The following SHISA9 variants were observed in gnomAD, a reference collection of about 807,000 sequenced individuals.
The protein encoded by SHISA9 is shisa family member 9, also known as protein shisa-9.
SHISA9 carries 13 observed loss-of-function variants against 38.0 expected under a neutral mutation model. The observed-to-expected ratio is 0.34, with a 90% CI of 0.22 to 0.54. SHISA9 has a LOEUF of 0.54. Among genes scored for constraint, SHISA9 ranks in the 20% least tolerant of loss-of-function variants. The pLI is 0.91. For synonymous variants in SHISA9, 275 were observed against 242.0 expected (o/e 1.14, Z -1.27); for missense variants, 538 against 575.8 (o/e 0.93, Z 0.67).
At chr16:13,167,811 C>A (rs1350976387) in intron 2 of SHISA9, among the ~76,000 whole-genome samples, 1 of 152,186 alleles carries the variant, frequency 6.6e-6, no homozygotes, top group African/African-American at 2.4e-5. Flanking sequence ...ACCAATAAAA[C>A]CTCTTTTCTT....
chr16:13,071,587 T>TCCTTCCTTCCTCCCTTCCTC (rs2073516427), intron 2 of SHISA9, among the ~76,000 whole-genome samples: 1 of 142,678 alleles, frequency 7.0e-6, no homozygotes, highest in African/African-American at 2.8e-5. Context: ...CTCCCTTCCT[T>TCCTTCCTTCCTCCCTTCCTC]CCTTCCTTCC....
chr16:13,155,533 G>C (rs1480724110), intron 2 of SHISA9, among the ~76,000 whole-genome samples: 1 of 152,154 alleles, frequency 6.6e-6, no homozygotes, highest in East Asian at 1.9e-4. Flanking sequence ...AGCTCTACCA[G>C]ACTGCTCTGC....
At chr16:13,135,174 A>G (rs12926174) in intron 2 of SHISA9, among the ~76,000 whole-genome samples, 18 of 151,994 alleles carry the variant, frequency 1.2e-4, no homozygotes, top group African/African-American at 4.3e-4. Context: ...GAACAACAAC[A>G]GAATCTACTA....
chr16:13,076,506 A>G lies in SHISA9; in HGVS notation c.692-126888A>G, dbSNP rs999116054. Among the ~76,000 whole-genome samples the G allele has an allele frequency of 6.6e-5, 10 of 151,676 alleles. No individual in the cohort carries two copies. In the East Asian group the frequency reaches 1.9e-3, roughly 30 times the overall value. On this transcript the variant is annotated intron_variant, in intron 2 of 4. Transcript: ENST00000558583. Reference sequence around the variant, plus strand: ...TCCTTTCCCCCACCCTCTGTCTTGCACACACCCAACCTTCTGCCATTTTAG... The same window carrying G: ...TCCTTTCCCCCACCCTCTGTCTTGCGCACACCCAACCTTCTGCCATTTTAG...
At chr16:13,376,130 T>A in the SHISA9 span, among the ~76,000 whole-genome samples, 1 of 152,186 alleles carries the variant, frequency 6.6e-6, no homozygotes, top group African/African-American at 2.4e-5. Flanking sequence ...ACACAATGAC[T>A]CTGAAAAATT....
chr16:13,163,032 A>C (rs1197450534), intron 2 of SHISA9, among the ~76,000 whole-genome samples: 2 of 152,212 alleles, frequency 1.3e-5, no homozygotes, highest in Non-Finnish European at 2.9e-5. Flanking sequence ...ATTCTAAGTT[A>C]GTCTTTATCC....
intron 2 of SHISA9, among the ~76,000 whole-genome samples, chr16:12,969,498 C>A (rs2072026935): frequency 6.6e-6 from 1 of 151,986 alleles, no homozygotes; most frequent in African/African-American, 2.4e-5. Flanking sequence ...AATCCCAGGA[C>A]TTTGAGAGGC....
intron 4 of SHISA9, among the ~76,000 whole-genome samples, chr16:13,221,971 G>C (rs1339345123): frequency 6.6e-6 from 1 of 152,188 alleles, no homozygotes; most frequent in Non-Finnish European, 1.5e-5. Context: ...AAAGGAAAGA[G>C]GTTCAATGGA....
At chr16:13,254,121 T>C in the SHISA9 span, among the ~76,000 whole-genome samples, 1 of 152,186 alleles carries the variant, frequency 6.6e-6, no homozygotes. Context: ...TCTATAATAA[T>C]AATACTAATA....
the SHISA9 span, among the ~76,000 whole-genome samples, chr16:13,367,690 G>A: frequency 9.6e-5 from 10 of 103,780 alleles, no homozygotes; most frequent in South Asian, 8.9e-4. Context: ...GTGTACACGC[G>A]TGTGCGTGCG....
chr16:13,469,367 A>AG, the SHISA9 span, among the ~76,000 whole-genome samples: 727 of 72,042 alleles, frequency 0.01, 2 homozygotes, highest in Middle Eastern at 0.022. Flanking sequence ...AGAAAAGAAA[A>AG]AGAAAGAAAG....
At chr16:13,513,682 T>C in the SHISA9 span, among the ~76,000 whole-genome samples, 21 of 152,312 alleles carry the variant, frequency 1.4e-4, no homozygotes, top group Non-Finnish European at 2.8e-4. Context: ...TCATGTCCTT[T>C]GCAAGGACAT....
chr16:13,233,166 A>T (rs1299841655), intron 4 of SHISA9, among the ~76,000 whole-genome samples: 1 of 152,162 alleles, frequency 6.6e-6, no homozygotes, highest in Non-Finnish European at 1.5e-5. Context: ...ATGAGAATTT[A>T]TGGTTTGTAG....
chr16:13,497,664 A>T, the SHISA9 span, among the ~76,000 whole-genome samples: 1 of 150,126 alleles, frequency 6.7e-6, no homozygotes, highest in South Asian at 2.2e-4. Flanking sequence ...CAGCCTGGGT[A>T]ACAGAGTGAC....
chr16:13,479,517 A>G, the SHISA9 span, among the ~76,000 whole-genome samples: 6 of 152,204 alleles, frequency 3.9e-5, no homozygotes, highest in Admixed American at 2.6e-4. Context: ...AAAATAATCT[A>G]TATTCCACCA....
rs184109552 is a variant in SHISA9 at position 13,145,812 on chromosome 16, A to G, written c.692-57582A>G. On this transcript the variant is annotated intron_variant, in intron 2 of 4. Coordinates refer to ENST00000558583, the MANE Select transcript of SHISA9 (RefSeq NM_001145204.3). ...CCTACTGTGTGCCAGGCATTGTTCT[A>G]AACCCTGAAGTTACATCAGTAAACA... Among the ~76,000 whole-genome samples, 190 of 152,308 alleles carry G rather than the reference A, an allele frequency of 1.2e-3. 3 individuals carry two copies. Among genetic ancestry groups the G allele is most frequent in the Non-Finnish European group, 2.1e-4 (14 of 68,024 alleles).
intron 2 of SHISA9, among the ~76,000 whole-genome samples, chr16:13,036,757 A>AG (rs1283980693): frequency 6.6e-6 from 1 of 151,286 alleles, no homozygotes; most frequent in Non-Finnish European, 1.5e-5. Context: ...GGAAAAAAAA[A>AG]AAGCTCCCAC....
chr16:13,130,471 ATT>A (rs1212826463), intron 2 of SHISA9, among the ~76,000 whole-genome samples: 2 of 152,164 alleles, frequency 1.3e-5, no homozygotes, highest in Admixed American at 1.3e-4. Context: ...CATCCCTATC[ATT>A]TAATATTGAT....
the SHISA9 span, among the ~76,000 whole-genome samples, chr16:13,245,895 C>T: frequency 6.6e-6 from 1 of 152,094 alleles, no homozygotes; most frequent in South Asian, 2.1e-4. Context: ...TTGTCTGGCG[C>T]CTGTTTATTT....
Sources: gnomAD v4.1 joint callset for allele counts (sites outside exome capture counted in the v4.1 genomes callset) on GRCh38, gnomAD v4.1.1 for gene constraint, MANE v1.5 for transcripts, NCBI Gene and HGNC (gene_info 2026-07-23, HGNC 2026-07-21) for gene names.